Variants in CNTNAP5 observed in about 807,000 individuals in gnomAD.
CNTNAP5 encodes contactin associated protein family member 5.
In CNTNAP5, 72 loss-of-function variants were observed where a neutral mutation model predicts 150.2. The ratio of observed to expected loss-of-function variants is 0.48; its 90% CI spans 0.40 to 0.58. The LOEUF is 0.58. Among genes scored for constraint, CNTNAP5 ranks in the 20% least tolerant of loss-of-function variants. CNTNAP5 has a pLI of 0.00. For synonymous variants in CNTNAP5, 672 were observed against 619.8 expected, an observed-to-expected ratio of 1.08 and a Z score of -1.25; for missense variants, 1,636 against 1,626.2, an observed-to-expected ratio of 1.01 and a Z score of -0.10.
intron 13 of CNTNAP5, among the ~76,000 whole-genome samples, chr2:124,661,317 C>G (rs1024950398): frequency 6.6e-6 from 1 of 151,966 alleles, no homozygotes; most frequent in African/African-American, 2.4e-5. Flanking sequence ...ATTCTATAAG[C>G]TTTTTTCTAT....
intron 20 of CNTNAP5, 73 bp downstream of exon 20, chr2:124,865,509 C>A (rs971784303): frequency 4.3e-5 from 60 of 1,408,442 alleles, no homozygotes; most frequent in Non-Finnish European, 5.3e-5. Context: ...AAGCTTCTAC[C>A]CCATGCCAGT....
chr2:124,103,465 C>A (rs1315176877), intron 1 of CNTNAP5, among the ~76,000 whole-genome samples: 1 of 152,008 alleles, frequency 6.6e-6, no homozygotes, highest in Non-Finnish European at 1.5e-5. Flanking sequence ...CAACTTCTAG[C>A]CCTATAAGCT....
intron 13 of CNTNAP5, among the ~76,000 whole-genome samples, chr2:124,652,008 G>T (rs564727219): frequency 2.6e-5 from 4 of 152,308 alleles, no homozygotes; most frequent in Admixed American, 2.6e-4. Flanking sequence ...GGCAGGATAA[G>T]GTCGTGCATG....
chr2:124,679,877 C>T (rs909155805), intron 13 of CNTNAP5, among the ~76,000 whole-genome samples: 3 of 151,768 alleles, frequency 2.0e-5, no homozygotes, highest in African/African-American at 7.2e-5. Flanking sequence ...TATCTTATTA[C>T]GGTTTGTCTT....
chr2:124,880,046 G>A (rs1287926520), intron 21 of CNTNAP5, among the ~76,000 whole-genome samples: 3 of 152,120 alleles, frequency 2.0e-5, no homozygotes, highest in East Asian at 1.9e-4. Context: ...ATTGAGGCTC[G>A]AGGAGTGTTG....
intron 19 of CNTNAP5, among the ~76,000 whole-genome samples, chr2:124,841,536 A>G (rs985755783): frequency 6.6e-6 from 1 of 152,020 alleles, no homozygotes; most frequent in Non-Finnish European, 1.5e-5. Context: ...TTCCGGGTTT[A>G]TCTTTCCTTC....
At chr2:124,268,932 A>C (rs780027) in intron 3 of CNTNAP5, among the ~76,000 whole-genome samples, 59,207 of 151,886 alleles carry the variant, frequency 0.39, 12,394 homozygotes, top group Non-Finnish European at 0.46. Flanking sequence ...AGGGGGAGGG[A>C]AGGCTTCCAA....
intron 8 of CNTNAP5, among the ~76,000 whole-genome samples, chr2:124,512,292 A>C (rs1464481250): frequency 6.6e-6 from 1 of 152,022 alleles, no homozygotes; most frequent in African/African-American, 2.4e-5. Context: ...CAGAGGCATC[A>C]AACTCAGCCT....
intron 3 of CNTNAP5, among the ~76,000 whole-genome samples, chr2:124,361,850 C>G (rs1690210504): frequency 6.6e-6 from 1 of 152,176 alleles, no homozygotes; most frequent in Admixed American, 6.5e-5. Context: ...GTTCGAGCTT[C>G]CCAGCTGCTT....
intron 1 of CNTNAP5, among the ~76,000 whole-genome samples, chr2:124,098,027 CA>C (rs56978281): frequency 0.25 from 38,126 of 151,296 alleles, 4,799 homozygotes; most frequent in South Asian, 0.29. Context: ...GACTCCGTCT[CA>C]AAAAAAATAA....
At chr2:124,585,461 G>A (rs554703209) in intron 11 of CNTNAP5, among the ~76,000 whole-genome samples, 34 of 152,288 alleles carry the variant, frequency 2.2e-4, no homozygotes, top group African/African-American at 7.7e-4. Flanking sequence ...TCCAGGAACA[G>A]AGATCAACTT....
intron 13 of CNTNAP5, among the ~76,000 whole-genome samples, chr2:124,726,288 A>G (rs1680155891): frequency 6.6e-6 from 1 of 152,154 alleles, no homozygotes; most frequent in South Asian, 2.1e-4. Flanking sequence ...TGTCAAGAGA[A>G]GGACCTGGTA....
intron 13 of CNTNAP5, among the ~76,000 whole-genome samples, chr2:124,648,969 G>C (rs909818525): frequency 6.6e-6 from 1 of 152,184 alleles, no homozygotes; most frequent in Non-Finnish European, 1.5e-5. Context: ...AAATTCAACA[G>C]AATGCCTCCT....
At chr2:124,666,613 C>T (rs1024802288) in intron 13 of CNTNAP5, among the ~76,000 whole-genome samples, 4 of 152,048 alleles carry the variant, frequency 2.6e-5, no homozygotes, top group African/African-American at 2.4e-5. Flanking sequence ...GGCCAAGGGG[C>T]GAGGGGTCTC....
At chr2:124,580,247 C>A (rs1456949757) in intron 11 of CNTNAP5, among the ~76,000 whole-genome samples, 1 of 152,242 alleles carries the variant, frequency 6.6e-6, no homozygotes, top group Non-Finnish European at 1.5e-5. Context: ...ATTGTTAAAT[C>A]AAGTTTAGCC....
At chr2:124,362,906 C>T (rs74765599) in intron 3 of CNTNAP5, among the ~76,000 whole-genome samples, 5,184 of 152,296 alleles carry the variant, frequency 0.034, 148 homozygotes, top group Non-Finnish European at 0.056. Context: ...TATTCAATTA[C>T]TGCTCAATAA....
At chr2:124,098,527 G>T (rs920536319) in intron 1 of CNTNAP5, among the ~76,000 whole-genome samples, 1 of 152,166 alleles carries the variant, frequency 6.6e-6, no homozygotes, top group Non-Finnish European at 1.5e-5. Flanking sequence ...AGATGGTTCT[G>T]ATGATATTAC....
intron 21 of CNTNAP5, among the ~76,000 whole-genome samples, chr2:124,881,660 C>T (rs1296662782): frequency 6.6e-6 from 1 of 152,034 alleles, no homozygotes; most frequent in Non-Finnish European, 1.5e-5. Context: ...TTCACTGTGG[C>T]GATGTCCACA....
intron 3 of CNTNAP5, among the ~76,000 whole-genome samples, chr2:124,361,157 C>T (rs954775288): frequency 6.7e-6 from 1 of 148,152 alleles, no homozygotes; most frequent in African/African-American, 2.5e-5. Flanking sequence ...GTTTCAGCTC[C>T]ATCAGCTCCT....
Sources: gnomAD v4.1 joint callset for allele counts (sites outside exome capture counted in the v4.1 genomes callset) on GRCh38, gnomAD v4.1.1 for gene constraint, MANE v1.5 for transcripts, NCBI Gene and HGNC (gene_info 2026-07-23, HGNC 2026-07-21) for gene names.